Variants in NOS1 observed in about 807,000 individuals in gnomAD.
NOS1 encodes NOS type I.
Under a neutral mutation model 164.5 loss-of-function variants are expected in NOS1, and 51 were observed. The ratio of observed to expected loss-of-function variants is 0.31; its 90% CI spans 0.25 to 0.39. The LOEUF (loss-of-function observed/expected upper bound fraction) is 0.39, where lower values mean the gene tolerates loss of function less well. NOS1 is among the 10% of genes least tolerant of loss of function. The pLI, the probability that NOS1 is intolerant of heterozygous loss-of-function variation, is 1.00. For synonymous variants in NOS1, 719 were observed against 745.8 expected (o/e 0.96, Z 0.59); for missense variants, 1,362 against 1,885.6 (o/e 0.72, Z 5.14).
chr12:117,260,528 T>G lies in NOS1; in HGVS notation c.2304A>C (p.Thr768=). The change falls in exon 14 of 29, where the codon ACA becomes ACC. Residue 768 remains threonine (T), a synonymous_variant. Transcript: ENST00000317775. ...VKATILYATE[T]GKSQAYAKTL... ...TCTTGGCATAAGCTTGCGATTTGCC[T>G]GTCTCTGTGGCATAGAGGATGGTCG... 6.2e-7 allele frequency: 1 copy of G among 1,614,186 alleles called. No individual in the cohort carries two copies. Among genetic ancestry groups the G allele is most frequent in the Non-Finnish European group, 8.5e-7 (1 of 1,180,032 alleles).
At chr12:117,246,811 T>C (rs1402740000) in intron 18 of NOS1, among the ~76,000 whole-genome samples, 1 of 152,248 alleles carries the variant, frequency 6.6e-6, no homozygotes, top group Non-Finnish European at 1.5e-5. Context: ...CACCACTTCA[T>C]TCTTTTTTAT....
intron 2 of NOS1, among the ~76,000 whole-genome samples, chr12:117,315,375 TA>T (rs1326301224): frequency 6.6e-6 from 1 of 152,090 alleles, no homozygotes; most frequent in African/African-American, 2.4e-5. Flanking sequence ...AACTAATTTT[TA>T]AAATTTTTTT....
rs553995632 is a variant in NOS1, at chr12:117,219,980, T to C, written c.4170+95A>G. On this transcript the variant is annotated intron_variant, in intron 27 of 28. Transcript: ENST00000317775. ...ACGAATGGGAGCAGGGATATCATCG[T>C]GGCTCCCCTAATCATCAAGACAGGT... 3.4e-4 allele frequency: 402 copies of C among 1,196,212 alleles called. No homozygotes were observed. The African/African-American group carries it at 4.3e-3, about 13-fold the overall frequency. 74.1% of individuals were successfully genotyped at this position (1,196,212 alleles called of 1,614,324 possible). A position where few individuals can be genotyped will look rare whatever the true frequency, so the allele number is the denominator to read the frequency against.
Position 117,330,572 on chromosome 12 carries a change from C to A in NOS1, c.498G>T (p.Gly166=), listed in dbSNP as rs770822226. Residue 166 remains glycine, a synonymous_variant, in exon 2 of 29, where the codon GGG becomes GGT. Coordinates refer to ENST00000317775, the MANE Select transcript of NOS1 (RefSeq NM_000620.5). The surrounding 1 kb of genome is among the most constrained non-coding windows in gnomAD (Gnocchi z 4.6). ...CATGGGGGAGTGAGCCAGCCTCCTG[C>A]CCATCATCGTAGGCATGCTGAGGCC... is the stretch of plus-strand genomic sequence containing the variant. ...GNGPQHAYDD[G]QEAGSLPHAN... is the part of the protein sequence containing the mutation. 12 of 1,613,074 alleles carry A rather than the reference C, an allele frequency of 7.4e-6. No individual in the cohort carries two copies. The South Asian group carries it at 1.3e-4, about 18-fold the overall frequency.
In NOS1 at chr12:117,236,029, C is replaced by T. The variant is rs776177815; in HGVS notation, c.3042-1271G>A. ...CTGCATTCCAGCCTGGGCAACAGAGCGAAACTACATCCTCCCACCCCAACC... is the reference window on the plus strand; with the variant it reads ...CTGCATTCCAGCCTGGGCAACAGAGTGAAACTACATCCTCCCACCCCAACC... On this transcript the variant is annotated intron_variant, in intron 20 of 28. Coordinates refer to ENST00000317775, the MANE Select transcript of NOS1 (RefSeq NM_000620.5). Among the ~76,000 whole-genome samples the T allele has an allele frequency of 3.3e-5, 5 of 152,038 alleles. No homozygotes were observed. In the East Asian group the frequency reaches 7.7e-4, roughly 23 times the overall value.
At chr12:117,354,656 G>A (rs1277255675) in intron 1 of NOS1, among the ~76,000 whole-genome samples, 1 of 152,072 alleles carries the variant, frequency 6.6e-6, no homozygotes, top group Non-Finnish European at 1.5e-5. Context: ...TGATCCATGT[G>A]GCTGTTTTAG....
intron 26 of NOS1, among the ~76,000 whole-genome samples, chr12:117,220,652 G>T (rs1186723755): frequency 6.6e-6 from 1 of 152,162 alleles, no homozygotes; most frequent in Non-Finnish European, 1.5e-5. Flanking sequence ...ATTTCCAGGT[G>T]TGCAGCTGGT....
At chr12:117,218,252 A>G in intron 27 of NOS1, 88 bp from the exon 28 acceptor site, 1 of 923,764 alleles carries the variant, frequency 1.1e-6, no homozygotes, top group Non-Finnish European at 1.8e-6. Flanking sequence ...CCTGGAATGG[A>G]ATATCCCTAA....
intron 3 of NOS1, among the ~76,000 whole-genome samples, chr12:117,304,802 A>T (rs1228721737): frequency 6.6e-6 from 1 of 152,210 alleles, no homozygotes; most frequent in Non-Finnish European, 1.5e-5. Context: ...TTAAAAGAAG[A>T]TGCCTCTAGG....
intron 1 of NOS1, among the ~76,000 whole-genome samples, chr12:117,358,305 A>C (rs2136100211): frequency 6.6e-6 from 1 of 152,104 alleles, no homozygotes; most frequent in South Asian, 2.1e-4. Context: ...ACCCACTGGG[A>C]GCAGCCTAAC....
In NOS1 at chr12:117,265,414, C is replaced by T. The variant is rs768333861; in HGVS notation, c.2038G>A (p.Asp680Asn). The T allele has an allele frequency of 1.2e-5, 19 of 1,595,340 alleles. No individual in the cohort carries two copies. The highest frequency in any genetic ancestry group is 1.3e-5 in the African/African-American group (1 of 74,704). Residue 680 changes from aspartate (D) to asparagine (N), a missense_variant, in exon 12 of 29, where the codon GAC becomes AAC. Transcript: ENST00000317775. ...EYRCRGGCPA[D>N]WVWIVPPMSG... ...ATGGGGGGCACGATCCACACCCAGTCGGCAGGGCAGCCCCCCCGGCAGCGG... is the reference window on the plus strand; with the variant it reads ...ATGGGGGGCACGATCCACACCCAGTTGGCAGGGCAGCCCCCCCGGCAGCGG...
intron 10 of NOS1, among the ~76,000 whole-genome samples, chr12:117,271,240 G>T (rs1430611856): frequency 6.6e-6 from 1 of 151,356 alleles, no homozygotes; most frequent in African/African-American, 2.4e-5. Flanking sequence ...CAAAGCTGAG[G>T]ATCCCTGGCA....
intron 3 of NOS1, among the ~76,000 whole-genome samples, chr12:117,308,576 G>A (rs982613330): frequency 6.6e-6 from 1 of 151,620 alleles, no homozygotes; most frequent in Admixed American, 6.6e-5. Flanking sequence ...CAGCGTATAG[G>A]CGCAATGTGG....
Position 117,213,898 on chromosome 12 carries a change from T to C in NOS1, c.*1411A>G. On this transcript the variant is annotated 3_prime_UTR_variant, in exon 29 of 29. Coordinates refer to ENST00000317775, the MANE Select transcript of NOS1 (RefSeq NM_000620.5). Reference sequence around the variant, plus strand: ...ACTCTGAGAGAGTAAATTCAACAGGTTGCCTCTTAGGGAGGAATTACACCG... The same window carrying C: ...ACTCTGAGAGAGTAAATTCAACAGGCTGCCTCTTAGGGAGGAATTACACCG... The C allele has an allele frequency of 2.0e-6, 2 of 985,406 alleles. No homozygotes were observed. Among genetic ancestry groups the C allele is most frequent in the Non-Finnish European group, 2.4e-6 (2 of 829,910 alleles). The allele number at this position is 985,406 out of a possible 1,614,324, so 61.0% of individuals were successfully genotyped here. A position where few individuals can be genotyped will look rare whatever the true frequency, so the allele number is the denominator to read the frequency against.
chr12:117,215,267 C>T lies in NOS1; in HGVS notation c.*42G>A, dbSNP rs372696748. 128 of 1,526,018 alleles carry T rather than the reference C, an allele frequency of 8.4e-5. 1 individual carries two copies. In the East Asian group the frequency reaches 1.6e-3, roughly 19 times the overall value. The allele number at this position is 1,526,018 out of a possible 1,614,324, so 94.5% of individuals were successfully genotyped here. On this transcript the variant is annotated 3_prime_UTR_variant, in exon 29 of 29. Coordinates refer to ENST00000317775, the MANE Select transcript of NOS1 (RefSeq NM_000620.5). ...GAGGAAAGGTTCAGCAGTGTCTGTC[C>T]GCGCTTACAAAACTTGCAGCCGGCT...
chr12:117,350,281 T>C (rs1211874635), intron 1 of NOS1, among the ~76,000 whole-genome samples: 1 of 152,184 alleles, frequency 6.6e-6, no homozygotes, highest in Non-Finnish European at 1.5e-5. Flanking sequence ...GCCATTGCCA[T>C]GGGACGATGT....
At chr12:117,248,376 G>A (rs1870817780) in intron 17 of NOS1, among the ~76,000 whole-genome samples, 1 of 151,240 alleles carries the variant, frequency 6.6e-6, no homozygotes, top group African/African-American at 2.4e-5. Context: ...TCCCCAGAGT[G>A]TGATGTTCCC....
chr12:117,327,091 C>G (rs1593025162), intron 2 of NOS1, among the ~76,000 whole-genome samples: 1 of 152,182 alleles, frequency 6.6e-6, no homozygotes, highest in Non-Finnish European at 1.5e-5. Context: ...ACTCACCCCT[C>G]CATGCCCACC....
At position 117,243,603 on chromosome 12, in the gene NOS1, C is replaced by CTCCTTCCCTTCT; in HGVS notation, c.2824-180_2824-169dup. Reference sequence around the variant, plus strand: ...CATCCATCCATCCAGTAACCCTTCCCTCCTTCCCTTCTTCCTTCCCTTCCT... The same window carrying CTCCTTCCCTTCT: ...CATCCATCCATCCAGTAACCCTTCCCTCCTTCCCTTCTTCCTTCCCTTCTTCCTTCCCTTCCT... On this transcript the variant is annotated intron_variant, in intron 18 of 28. Coordinates refer to ENST00000317775, the MANE Select transcript of NOS1 (RefSeq NM_000620.5). The surrounding 1 kb of genome is among the most constrained non-coding windows in gnomAD (Gnocchi z 4.3). Among the ~76,000 whole-genome samples, 1 of 134,624 alleles carries CTCCTTCCCTTCT rather than the reference C, an allele frequency of 7.4e-6. No individual in the cohort carries two copies. Among genetic ancestry groups the CTCCTTCCCTTCT allele is most frequent in the African/African-American group, 2.8e-5 (1 of 35,094 alleles). 88.3% of individuals were successfully genotyped at this position (134,624 alleles called of 152,430 possible).
Sources: gnomAD v4.1 joint callset for allele counts (sites outside exome capture counted in the v4.1 genomes callset) on GRCh38, gnomAD v4.1.1 for gene constraint, Gnocchi (gnomAD v3.1) non-coding constraint, MANE v1.5 for transcripts, NCBI Gene and HGNC (gene_info 2026-07-23, HGNC 2026-07-21) for gene names.